FLT3: variants seen among roughly 807,000 people sequenced by gnomAD.
The protein encoded by FLT3 is fms related receptor tyrosine kinase 3, also known as receptor-type tyrosine-protein kinase FLT3.
A neutral mutation model predicts 126.6 loss-of-function variants in FLT3; 46 were observed. That is an observed-to-expected ratio of 0.36 (90% CI 0.29 to 0.46). The LOEUF (loss-of-function observed/expected upper bound fraction) is 0.46. FLT3 is among the 20% of genes least tolerant of loss of function. The pLI, the probability that FLT3 is intolerant of heterozygous loss-of-function variation, is 1.00. For synonymous variants in FLT3, 404 were observed against 434.4 expected, an observed-to-expected ratio of 0.93 and a Z score of 0.87; for missense variants, 1,069 against 1,190.3, an observed-to-expected ratio of 0.90 and a Z score of 1.50.
At chr13:28,085,724 T>C (rs1479627355) in intron 1 of FLT3, among the ~76,000 whole-genome samples, 1 of 149,604 alleles carries the variant, frequency 6.7e-6, no homozygotes, top group Non-Finnish European at 1.5e-5. Flanking sequence ...GAAATGTACT[T>C]TGTCTAACAT....
At chr13:28,048,248 G>T (rs746077079) in intron 9 of FLT3, 27 bp downstream of exon 9, 11 of 1,566,042 alleles carry the variant, frequency 7.0e-6, no homozygotes, top group East Asian at 2.3e-5. Context: ...GCTAAAAATG[G>T]TATCTTAGAG....
chr13:28,027,003 AACT>A, intron 17 of FLT3, 82 bp downstream of exon 17: 1 of 1,196,604 alleles, frequency 8.4e-7, no homozygotes, highest in South Asian at 1.5e-5. Context: ...TGCCTTTAGA[AACT>A]GGTCAACGAA....
chr13:28,087,818 T>C (rs941149284), intron 1 of FLT3, among the ~76,000 whole-genome samples: 3 of 152,212 alleles, frequency 2.0e-5, no homozygotes, highest in Non-Finnish European at 4.4e-5. Context: ...TTCTCTCCAG[T>C]GTAATTGAGT....
intron 4 of FLT3, among the ~76,000 whole-genome samples, chr13:28,053,718 T>C (rs1217001842): frequency 6.6e-6 from 1 of 152,140 alleles, no homozygotes; most frequent in Non-Finnish European, 1.5e-5. Flanking sequence ...CATCCAACCT[T>C]ATGTTTTTAA....
chr13:28,092,361 C>A (rs1879167872), intron 1 of FLT3, among the ~76,000 whole-genome samples: 1 of 151,966 alleles, frequency 6.6e-6, no homozygotes, highest in African/African-American at 2.4e-5. Context: ...CAATTGCCAA[C>A]CCTTATATTT....
intron 9 of FLT3, among the ~76,000 whole-genome samples, chr13:28,043,705 G>A (rs1346874057): frequency 1.3e-5 from 2 of 152,072 alleles, no homozygotes; most frequent in Admixed American, 6.6e-5. Context: ...AAGGAAAGAC[G>A]GGTGCAGTGG....
intron 2 of FLT3, among the ~76,000 whole-genome samples, chr13:28,062,860 T>C (rs1431492191): frequency 1.3e-5 from 2 of 151,750 alleles, no homozygotes; most frequent in Non-Finnish European, 2.9e-5. Context: ...AGATTCTTGC[T>C]CACTGCCCTT....
At chr13:28,016,301 G>A (rs953313703) in intron 20 of FLT3, among the ~76,000 whole-genome samples, 3 of 151,304 alleles carry the variant, frequency 2.0e-5, no homozygotes, top group Admixed American at 6.6e-5. Context: ...ACGGAGTTTC[G>A]CTCTTGTTGC....
chr13:28,035,457 T>C lies in FLT3; in HGVS notation c.1597+38A>G, dbSNP rs776770373. ...ATGGGGACTAACTTCTAGTGGGGAA[T>C]TCCTGATGGTGGAATATCACAAGAA... On this transcript the variant is annotated intron_variant, in intron 12 of 23. Coordinates refer to ENST00000241453, the MANE Select transcript of FLT3 (RefSeq NM_004119.3). The C allele has an allele frequency of 3.2e-6, 5 of 1,586,330 alleles. 1 individual carries two copies. The East Asian group carries it at 8.9e-5, about 28-fold the overall frequency.
intron 2 of FLT3, among the ~76,000 whole-genome samples, chr13:28,063,699 T>A (rs866075101): frequency 2.6e-5 from 1 of 39,108 alleles, no homozygotes; most frequent in Non-Finnish European, 5.9e-5. Context: ...TCACTTACTA[T>A]GATAAGTGCA....
chr13:28,030,077 G>A (rs903229164), intron 15 of FLT3, among the ~76,000 whole-genome samples: 2 of 152,194 alleles, frequency 1.3e-5, no homozygotes, highest in Admixed American at 6.5e-5. Context: ...TTTACATTCA[G>A]TGAAGATTTG....
intron 1 of FLT3, among the ~76,000 whole-genome samples, chr13:28,073,654 G>T (rs1877721213): frequency 6.6e-6 from 1 of 151,950 alleles, no homozygotes; most frequent in East Asian, 1.9e-4. Context: ...TGAATTTAAG[G>T]CTGGGCATGA....
chr13:28,038,147 T>C (rs1355074937), intron 9 of FLT3, among the ~76,000 whole-genome samples: 2 of 152,178 alleles, frequency 1.3e-5, no homozygotes, highest in Non-Finnish European at 2.9e-5. Context: ...TGCAGAAACC[T>C]CTGAGTGCTC....
At chr13:28,075,081 AT>A (rs1419114220) in intron 1 of FLT3, among the ~76,000 whole-genome samples, 1 of 152,178 alleles carries the variant, frequency 6.6e-6, no homozygotes, top group East Asian at 1.9e-4. Flanking sequence ...GAGATTGCTC[AT>A]TTTAAAAAGT....
At chr13:28,057,931 C>T (rs1407231432) in intron 3 of FLT3, among the ~76,000 whole-genome samples, 2 of 151,788 alleles carry the variant, frequency 1.3e-5, no homozygotes, top group Non-Finnish European at 2.9e-5. Flanking sequence ...CCCAGCTACT[C>T]AGGACACTGA....
chr13:28,011,901 G>A lies in FLT3; in HGVS notation c.2859+2551C>T, dbSNP rs1015866495. ...CAACATCCACCTCCCAGGTTCAAGC[G>A]ATTCTTCTGCCTCAGCCTCCCGAGT... On this transcript the variant is annotated intron_variant, in intron 23 of 23. Coordinates refer to ENST00000241453, the MANE Select transcript of FLT3 (RefSeq NM_004119.3). Among the ~76,000 whole-genome samples the A allele has an allele frequency of 2.6e-5, 4 of 151,998 alleles. No individual in the cohort carries two copies. The South Asian group carries it at 6.2e-4, about 24-fold the overall frequency.
At chr13:28,073,525 A>T in intron 1 of FLT3, 1 of 199,054 alleles carries the variant, frequency 5.0e-6, no homozygotes, top group Non-Finnish European at 1.1e-5. Context: ...CTTTAAAAAA[A>T]TAGTAATTTA....
At chr13:28,063,283 A>C (rs1433698436) in intron 2 of FLT3, among the ~76,000 whole-genome samples, 1 of 152,172 alleles carries the variant, frequency 6.6e-6, no homozygotes, top group Non-Finnish European at 1.5e-5. Context: ...GTTCGAGACC[A>C]GCCTGGCCAA....
At chr13:28,073,747 G>A (rs1374509119) in intron 1 of FLT3, among the ~76,000 whole-genome samples, 1 of 151,464 alleles carries the variant, frequency 6.6e-6, no homozygotes, top group South Asian at 2.1e-4. Context: ...CAGGCTGAGA[G>A]ATAGAGTGAA....
Sources: allele counts gnomAD v4.1 joint callset (sites outside exome capture counted in the v4.1 genomes callset), GRCh38; gene constraint gnomAD v4.1.1; transcripts MANE v1.5; gene names NCBI Gene and HGNC (gene_info 2026-07-23, HGNC 2026-07-21).